Variants in NTF4 observed in about 807,000 individuals in gnomAD.
NTF4 encodes neurotrophin 4, also known as neurotrophin-4.
NTF4 carries 2 observed loss-of-function variants against 4.4 expected under a neutral mutation model. The ratio of observed to expected loss-of-function variants is 0.46; its 90% CI spans 0.19 to 1.44. The LOEUF is 1.44. Among genes scored for constraint, NTF4 ranks in the 40% most tolerant of loss-of-function variants. NTF4 has a pLI of 0.26. For synonymous variants in NTF4, 127 were observed against 122.0 expected (o/e 1.04, Z -0.27); for missense variants, 260 against 293.0 (o/e 0.89, Z 0.82).
Position 49,061,226 on chromosome 19 carries a change from C to T in NTF4, c.*139G>A. ...AAAACCCCATGTGGTTTCACCCATC[C>T]TGCAGAGATTGAGCTCAAAATCAGA... is the stretch of plus-strand genomic sequence containing the variant. On this transcript the variant is annotated 3_prime_UTR_variant, in exon 1 of 1. Transcript: ENST00000593537. This position sits in a 1 kb window ranked among gnomAD's most constrained non-coding sequence, Gnocchi z 4.9. 1 of 1,507,794 alleles carries T rather than the reference C, an allele frequency of 6.6e-7. No individual in the cohort carries two copies. Among genetic ancestry groups the T allele is most frequent in the Non-Finnish European group, 8.9e-7 (1 of 1,127,132 alleles). The allele number at this position is 1,507,794 out of a possible 1,614,324, so 93.4% of individuals were successfully genotyped here.
At chr19:49,059,770 G>A (rs1041014982), downstream of NTF4, among the ~76,000 whole-genome samples, 11 of 151,992 alleles carry the variant, frequency 7.2e-5, no homozygotes, top group East Asian at 1.9e-4. Flanking sequence ...TTTGATCACC[G>A]GGCGCAGTGG....
upstream of NTF4, chr19:49,064,479 T>C: frequency 6.4e-6 from 1 of 155,066 alleles, no homozygotes. Flanking sequence ...AGCGCCCTCC[T>C]CTCTCAGACC....
rs374113081 is a variant in NTF4 at position 49,061,671 on chromosome 19, G to A, written c.327C>T (p.Thr109=). ...CCTCGCGCCCACGCAAGTCCACAGC[G>A]GTCCGGCGGTCTGTCACCCAGCCAC... is the stretch of plus-strand genomic sequence containing the variant. The change falls in exon 1 of 1, where the codon ACC becomes ACT. Residue 109 remains threonine (T), a synonymous_variant. Coordinates refer to ENST00000593537, the Ensembl canonical transcript of NTF4. The surrounding 1 kb of genome is among the most constrained non-coding windows in gnomAD (Gnocchi z 4.9). The A allele has an allele frequency of 2.0e-5, 33 of 1,613,208 alleles. No homozygotes were observed. The highest frequency in any genetic ancestry group is 1.1e-4 in the African/African-American group (8 of 74,944).
rs757156419 is a variant in NTF4 at position 49,061,343 on chromosome 19, G to A, written c.*22C>T. ...CTGAGGTCTCTCAGCATCCAGCTCT[G>A]TTATTTTCCTGGGCATGGGTCTCAG... On this transcript the variant is annotated 3_prime_UTR_variant, in exon 1 of 1. Coordinates refer to ENST00000593537, the Ensembl canonical transcript of NTF4. The surrounding 1 kb of genome is among the most constrained non-coding windows in gnomAD (Gnocchi z 4.9). The A allele has an allele frequency of 7.4e-6, 12 of 1,611,254 alleles. No homozygotes were observed. The highest frequency in any genetic ancestry group is 6.7e-5 in the African/African-American group (5 of 74,866).
upstream of NTF4, among the ~76,000 whole-genome samples, chr19:49,062,168 G>A (rs117509917): frequency 1.8e-3 from 269 of 152,282 alleles, 7 homozygotes; most frequent in East Asian, 0.034. Context: ...TGCGTAATGC[G>A]CAACTTGTAG....
At chr19:49,059,601 G>A (rs1600245124), downstream of NTF4, among the ~76,000 whole-genome samples, 2 of 152,178 alleles carry the variant, frequency 1.3e-5, no homozygotes, top group Admixed American at 6.5e-5. Flanking sequence ...GGCCTGGTCT[G>A]TATAGATGCG....
chr19:49,061,264 T>G lies in NTF4; in HGVS notation c.*101A>C. 6.4e-7 allele frequency: 1 copy of G among 1,559,310 alleles called. No individual in the cohort carries two copies. The highest frequency in any genetic ancestry group is 8.6e-7 in the Non-Finnish European group (1 of 1,156,928). Reference sequence around the variant, plus strand: ...GCTCAAAATCAGAGAATTGTGATTTTGTGATTATTTGATGAGTTCCCAAAC... The same window carrying G: ...GCTCAAAATCAGAGAATTGTGATTTGGTGATTATTTGATGAGTTCCCAAAC... On this transcript the variant is annotated 3_prime_UTR_variant, in exon 1 of 1. Coordinates refer to ENST00000593537, the Ensembl canonical transcript of NTF4. The surrounding 1 kb of genome is among the most constrained non-coding windows in gnomAD (Gnocchi z 4.9).
At position 49,061,649 on chromosome 19, in the gene NTF4, C is replaced by T. The variant is rs770833595; in HGVS notation, c.349G>A (p.Glu117Lys). The stretch of plus-strand genomic sequence containing the variant: ...GGCACCTCGCCCAACACCTCCACCT[C>T]GCGCCCACGCAAGTCCACAGCGGTC... The change falls in exon 1 of 1, where the codon GAG (glutamate) becomes AAG (lysine). Residue 117 changes from glutamate (E) to lysine (K), a missense_variant. Physicochemically the swap from Glu to Lys is moderately conservative, Grantham distance 56 (BLOSUM62 1). Coordinates refer to ENST00000593537, the Ensembl canonical transcript of NTF4. This position sits in a 1 kb window ranked among gnomAD's most constrained non-coding sequence, Gnocchi z 4.9. The T allele has an allele frequency of 2.3e-5, 37 of 1,613,570 alleles. No individual in the cohort carries two copies. Among genetic ancestry groups the T allele is most frequent in the Middle Eastern group, 1.6e-4 (1 of 6,084 alleles).
downstream of NTF4, among the ~76,000 whole-genome samples, chr19:49,060,036 CAAAAAAAAAAAAAAAAA>C (rs55870191): frequency 5.6e-4 from 16 of 28,428 alleles, 1 homozygote; most frequent in South Asian, 2.5e-3. Flanking sequence ...GACTCCATCT[CAAAAAAAAAAAAAAAAA>C]AAAAAAAAAA....
chr19:49,058,958 G>A (rs62127895), downstream of NTF4: 16,054 of 153,158 alleles, frequency 0.1, 997 homozygotes, highest in South Asian at 0.2. Context: ...GTGGGGGATG[G>A]AGAGTCAGAA....
chr19:49,061,334 T>A lies in NTF4; in HGVS notation c.*31A>T. 6.2e-7 allele frequency: 1 copy of A among 1,610,830 alleles called. No homozygotes were observed. The highest frequency in any genetic ancestry group is 8.5e-7 in the Non-Finnish European group (1 of 1,179,956). On this transcript the variant is annotated 3_prime_UTR_variant, in exon 1 of 1. Transcript: ENST00000593537. This position sits in a 1 kb window ranked among gnomAD's most constrained non-coding sequence, Gnocchi z 4.9. The stretch of plus-strand genomic sequence containing the variant: ...GGGCCATCCCTGAGGTCTCTCAGCA[T>A]CCAGCTCTGTTATTTTCCTGGGCAT...
At chr19:49,060,036 C>CAAAAAAAAAAAAA, downstream of NTF4, among the ~76,000 whole-genome samples, 54 of 28,426 alleles carry the variant, frequency 1.9e-3, 7 homozygotes, top group South Asian at 2.5e-3. Context: ...GACTCCATCT[C>CAAAAAAAAAAAAA]AAAAAAAAAA....
At position 49,061,520 on chromosome 19, in the gene NTF4, C is replaced by T. The variant is rs2040138175; in HGVS notation, c.478G>A (p.Gly160Arg). Residue 160 changes from glycine to arginine, a missense_variant, in exon 1 of 1, where the codon GGA becomes AGA. Gly to Arg is a moderately radical substitution (Grantham distance 125, BLOSUM62 -2). Coordinates refer to ENST00000593537, the Ensembl canonical transcript of NTF4. This position sits in a 1 kb window ranked among gnomAD's most constrained non-coding sequence, Gnocchi z 4.9. ...GATACCCAGTGCCTCCTGTCCACTC[C>T]CCGGCAGCCCCCTCCACCTGCCCCC... 1 of 1,614,182 alleles carries T rather than the reference C, an allele frequency of 6.2e-7. No individual in the cohort carries two copies.
upstream of NTF4, among the ~76,000 whole-genome samples, chr19:49,063,530 C>T (rs570129068): frequency 5.3e-5 from 8 of 152,206 alleles, no homozygotes; most frequent in Admixed American, 4.6e-4. Flanking sequence ...CCTAGGGAGA[C>T]CCCAGTTCAC....
At chr19:49,058,303 G>A (rs1418301063), downstream of NTF4, 1 of 1,507,618 alleles carries the variant, frequency 6.6e-7, no homozygotes, top group Admixed American at 2.2e-5. Flanking sequence ...CCAGATGCGA[G>A]AATCCTGCTT....
At chr19:49,060,056 A>AAAAAC, downstream of NTF4, among the ~76,000 whole-genome samples, 1 of 141,914 alleles carries the variant, frequency 7.0e-6, no homozygotes, top group African/African-American at 2.6e-5. Context: ...AAAAAAAAAA[A>AAAAAC]AAAAAAAAAA....
rs1037232374 is a variant in NTF4, at chr19:49,061,878, G to A, written c.120C>T (p.Asp40=). ...ACAGGACTACTCGGGGGGAGAGAAGGTCCCACTCAGGGGCCAGAAAAGGGG... is the reference window on the plus strand; with the variant it reads ...ACAGGACTACTCGGGGGGAGAGAAGATCCCACTCAGGGGCCAGAAAAGGGG... The change falls in exon 1 of 1, where the codon GAC becomes GAT. Residue 40 remains aspartate (D), a synonymous_variant. Coordinates refer to ENST00000593537, the Ensembl canonical transcript of NTF4. This position sits in a 1 kb window ranked among gnomAD's most constrained non-coding sequence, Gnocchi z 4.9. The A allele has an allele frequency of 1.2e-5, 18 of 1,539,564 alleles. No individual in the cohort carries two copies. The highest frequency in any genetic ancestry group is 1.5e-5 in the Non-Finnish European group (17 of 1,137,660).
At chr19:49,059,865 T>C (rs1480321847), downstream of NTF4, among the ~76,000 whole-genome samples, 1 of 151,720 alleles carries the variant, frequency 6.6e-6, no homozygotes, top group Non-Finnish European at 1.5e-5. Context: ...CCGGCCAACA[T>C]GGCGAAACCC....
chr19:49,060,036 C>CAAAGAAA, downstream of NTF4, among the ~76,000 whole-genome samples: 1 of 28,418 alleles, frequency 3.5e-5, no homozygotes, highest in Non-Finnish European at 5.5e-5. Context: ...GACTCCATCT[C>CAAAGAAA]AAAAAAAAAA....
Sources: allele counts gnomAD v4.1 joint callset (sites outside exome capture counted in the v4.1 genomes callset), GRCh38; gene constraint gnomAD v4.1.1; non-coding constraint Gnocchi (gnomAD v3.1); transcripts MANE v1.5; gene names NCBI Gene and HGNC (gene_info 2026-07-23, HGNC 2026-07-21).